The following OAS3 variants were observed in gnomAD, a reference collection of about 807,000 sequenced individuals.
OAS3 encodes the protein 2'-5'-oligoadenylate synthase 3.
Under a neutral mutation model 113.0 loss-of-function variants are expected in OAS3, and 107 were observed. That is an observed-to-expected ratio of 0.95 (90% CI 0.81 to 1.11). The LOEUF (loss-of-function observed/expected upper bound fraction) is 1.11, where lower values mean the gene tolerates loss of function less well. Among genes scored for constraint, OAS3 ranks in the 50% most tolerant of loss-of-function variants. The pLI, the probability that OAS3 is intolerant of heterozygous loss-of-function variation, is 0.00. For synonymous variants in OAS3, 552 were observed against 573.6 expected (o/e 0.96, Z 0.54); for missense variants, 1,258 against 1,389.1 (o/e 0.91, Z 1.50).
At chr12:112,969,487 C>G (rs1441826930) in intron 14 of OAS3, 121 bp from the exon 15 acceptor site, 12 of 1,198,542 alleles carry the variant, frequency 1.0e-5, no homozygotes, top group Non-Finnish European at 1.4e-5. Context: ...TGAGGAATCT[C>G]TGAGCCCTGG....
chr12:112,952,828 T>C (rs992401730), intron 7 of OAS3, among the ~76,000 whole-genome samples: 1 of 152,230 alleles, frequency 6.6e-6, no homozygotes, highest in Non-Finnish European at 1.5e-5. Flanking sequence ...CTGTCAGTTA[T>C]TGATTTTTTG....
At chr12:112,960,804 A>G (rs924804664) in intron 7 of OAS3, among the ~76,000 whole-genome samples, 10 of 152,150 alleles carry the variant, frequency 6.6e-5, no homozygotes, top group African/African-American at 2.4e-4. Context: ...GCTTTCAGGG[A>G]AAATTTAAAA....
rs2043972743 is a variant in OAS3, at chr12:112,970,201, C to T, written c.*228C>T. On this transcript the variant is annotated 3_prime_UTR_variant, in exon 16 of 16. Coordinates refer to ENST00000228928, the MANE Select transcript of OAS3 (RefSeq NM_006187.4). ...GGCTTACACACTAGGATCCAGACTC[C>T]ATGGTTTGACACCAGCCTGCGTTTG... 1.7e-6 allele frequency: 1 copy of T among 602,350 alleles called. No homozygotes were observed. The highest frequency in any genetic ancestry group is 1.8e-5 in the African/African-American group (1 of 54,064). 37.3% of individuals were successfully genotyped at this position (602,350 alleles called of 1,614,324 possible).
chr12:112,965,673 T>C, intron 11 of OAS3, 71 bp from the exon 12 acceptor site: 6 of 1,446,056 alleles, frequency 4.1e-6, no homozygotes, highest in Non-Finnish European at 4.6e-6. Flanking sequence ...GTAGGTTTTC[T>C]AACTCACAGT....
chr12:112,969,482 A>G, intron 14 of OAS3, 126 bp from the exon 15 acceptor site: 1 of 1,106,518 alleles, frequency 9.0e-7, no homozygotes, highest in South Asian at 1.4e-5. Context: ...AGCACTGAGG[A>G]ATCTCTGAGC....
intron 14 of OAS3, among the ~76,000 whole-genome samples, chr12:112,968,464 A>C (rs1195107606): frequency 6.6e-6 from 1 of 152,196 alleles, no homozygotes; most frequent in Non-Finnish European, 1.5e-5. Flanking sequence ...ATTACGCTTA[A>C]AAATTTATTC....
chr12:112,958,121 A>G (rs983484233), intron 7 of OAS3, among the ~76,000 whole-genome samples: 1 of 152,162 alleles, frequency 6.6e-6, no homozygotes, highest in Admixed American at 6.5e-5. Flanking sequence ...CTTCCACTTG[A>G]TAGAATCGGC....
Position 112,954,354 on chromosome 12 carries a change from G to A in OAS3, c.1657+3379G>A, listed in dbSNP as rs900059410. On this transcript the variant is annotated intron_variant, in intron 7 of 15. Transcript: ENST00000228928. The surrounding 1 kb of genome is among the most constrained non-coding windows in gnomAD (Gnocchi z 4.0). ...TGCCTAGGCTGGAGTGCAGTGACGC[G>A]ATCTCGGCTCACTGCAAGCTCCACC... Among the ~76,000 whole-genome samples, 13 of 152,054 alleles carry A rather than the reference G, an allele frequency of 8.5e-5. No individual in the cohort carries two copies. Among genetic ancestry groups the A allele is most frequent in the African/African-American group, 2.4e-4 (10 of 41,392 alleles).
At chr12:112,943,736 CAG>C (rs1485416358) in intron 2 of OAS3, among the ~76,000 whole-genome samples, 42 of 152,124 alleles carry the variant, frequency 2.8e-4, no homozygotes, top group African/African-American at 9.4e-4. Context: ...TTTTCTAAGA[CAG>C]AGTTTCGCTC....
At position 112,962,732 on chromosome 12, in the gene OAS3, T is replaced by C. The variant is rs768861780; in HGVS notation, c.1914T>C (p.Phe638=). 3 of 1,613,868 alleles carry C rather than the reference T, an allele frequency of 1.9e-6. No individual in the cohort carries two copies. Among genetic ancestry groups the C allele is most frequent in the South Asian group, 2.2e-5 (2 of 91,090 alleles). ...ATGCCCTGGAGCTCCTCACCATCTT[T>C]GCCTGGGAGCAGGGCTGCAGGCAGG... ...PAYALELLTI[F]AWEQGCRQDC... Residue 638 remains phenylalanine, a synonymous_variant, in exon 9 of 16, where the codon TTT becomes TTC. Transcript: ENST00000228928.
chr12:112,953,614 A>C (rs2043810184), intron 7 of OAS3, among the ~76,000 whole-genome samples: 1 of 152,160 alleles, frequency 6.6e-6, no homozygotes, highest in South Asian at 2.1e-4. Flanking sequence ...ACAGTGTAAA[A>C]GTGTTCCTAT....
chr12:112,943,197 A>T (rs1036631669), intron 2 of OAS3, among the ~76,000 whole-genome samples: 2 of 152,134 alleles, frequency 1.3e-5, no homozygotes, highest in African/African-American at 4.8e-5. Context: ...AGCCTCCCAA[A>T]GTGCTAGGAT....
At chr12:112,940,419 T>C (rs960546507) in intron 1 of OAS3, among the ~76,000 whole-genome samples, 1 of 152,216 alleles carries the variant, frequency 6.6e-6, no homozygotes, top group African/African-American at 2.4e-5. Flanking sequence ...TCCCCATATC[T>C]GCAGCCACAT....
In OAS3 at chr12:112,967,922, T is replaced by C; in HGVS notation, c.2866-14T>C. The C allele has an allele frequency of 6.2e-7, 1 of 1,609,802 alleles. No individual in the cohort carries two copies. The highest frequency in any genetic ancestry group is 8.5e-7 in the Non-Finnish European group (1 of 1,177,202). On this transcript the variant is annotated splice_polypyrimidine_tract_variant and intron_variant, in intron 13 of 15. Transcript: ENST00000228928. Reference sequence around the variant, plus strand: ...GCCAATATGAACCAACATATCTTTCTTCTCGTTCTCCAGTGTACCAAGATC... The same window carrying C: ...GCCAATATGAACCAACATATCTTTCCTCTCGTTCTCCAGTGTACCAAGATC...
intron 2 of OAS3, among the ~76,000 whole-genome samples, chr12:112,943,002 A>G (rs533804768): frequency 6.6e-6 from 1 of 151,870 alleles, no homozygotes; most frequent in South Asian, 2.1e-4. Context: ...TGGTGGCATG[A>G]TCTTGGCTCA....
At position 112,944,467 on chromosome 12, in the gene OAS3, C is replaced by T. The variant is rs1251399658; in HGVS notation, c.461-9C>T. On this transcript the variant is annotated splice_polypyrimidine_tract_variant and intron_variant, in intron 2 of 15. Transcript: ENST00000228928. ...GCCCTCCCTAACTCACAGCGCTTCA[C>T]ACCAACAGGTCAGGCCGGCTCCGGC... 3 of 1,613,818 alleles carry T rather than the reference C, an allele frequency of 1.9e-6. No individual in the cohort carries two copies. The African/African-American group carries it at 4.0e-5, about 22-fold the overall frequency.
At chr12:112,961,025 G>A in intron 7 of OAS3, 46 bp from the exon 8 acceptor site, 1 of 1,591,766 alleles carries the variant, frequency 6.3e-7, no homozygotes, top group South Asian at 1.1e-5. Context: ...AAATGCTGCT[G>A]TCTTCAATTG....
At chr12:112,945,444 G>A (rs1446780738) in intron 3 of OAS3, 1 of 153,764 alleles carries the variant, frequency 6.5e-6, no homozygotes, top group Non-Finnish European at 1.4e-5. Context: ...GGCCTGTCTG[G>A]TATGGTATGA....
rs764044255 is a variant in OAS3, at chr12:112,946,864, G to A, written c.758G>A (p.Arg253Gln). 10 of 1,614,024 alleles carry A rather than the reference G, an allele frequency of 6.2e-6. No homozygotes were observed. The highest frequency in any genetic ancestry group is 7.6e-6 in the Non-Finnish European group (9 of 1,179,900). ...KDAFSLAEGL[R>Q]TVLGLIQQHQ... is the part of the protein sequence containing the mutation. ...GCTTTCAGCCTAGCCGAAGGCCTCC[G>A]AACTGTCCTGGGCCTGATCCAACAG... The change falls in exon 4 of 16, where the codon CGA becomes CAA. Residue 253 changes from arginine (R) to glutamine (Q), a missense_variant. Transcript: ENST00000228928.
Sources: gnomAD v4.1 joint callset for allele counts (sites outside exome capture counted in the v4.1 genomes callset) on GRCh38, gnomAD v4.1.1 for gene constraint, Gnocchi (gnomAD v3.1) non-coding constraint, MANE v1.5 for transcripts, NCBI Gene and HGNC (gene_info 2026-07-23, HGNC 2026-07-21) for gene names.